Variants in SHISA9 observed in about 807,000 individuals in gnomAD.
SHISA9 encodes protein shisa-9.
In SHISA9, 13 loss-of-function variants were observed where a neutral mutation model predicts 38.0. The ratio of observed to expected loss-of-function variants is 0.34; its 90% CI spans 0.22 to 0.54. The LOEUF (loss-of-function observed/expected upper bound fraction) is 0.54, where lower values mean the gene tolerates loss of function less well. SHISA9 is among the 20% of genes least tolerant of loss of function. The probability of loss-of-function intolerance (pLI) is 0.91; values close to 1 mark genes in which losing one functional copy is unlikely to be tolerated. For missense variants in SHISA9, 538 were observed against 575.8 expected, an observed-to-expected ratio of 0.93 and a Z score of 0.67; for synonymous variants, 275 against 242.0, an observed-to-expected ratio of 1.14 and a Z score of -1.27.
At chr16:13,424,254 C>T in the SHISA9 span, among the ~76,000 whole-genome samples, 3 of 152,230 alleles carry the variant, frequency 2.0e-5, no homozygotes, top group Admixed American at 6.5e-5. Flanking sequence ...TACAGTGCTC[C>T]GCATTGAGCT....
chr16:13,195,127 C>G (rs894963602), intron 2 of SHISA9, among the ~76,000 whole-genome samples: 1 of 152,168 alleles, frequency 6.6e-6, no homozygotes, highest in African/African-American at 2.4e-5. Context: ...AACCAGCACA[C>G]CTGGCACCTA....
intron 2 of SHISA9, among the ~76,000 whole-genome samples, chr16:13,021,880 C>G (rs2072859325): frequency 6.6e-6 from 1 of 152,260 alleles, no homozygotes; most frequent in South Asian, 2.1e-4. Flanking sequence ...TAGTAGTGTC[C>G]TAGGGCTGCC....
chr16:13,176,750 A>T (rs2050734920), intron 2 of SHISA9, among the ~76,000 whole-genome samples: 1 of 151,898 alleles, frequency 6.6e-6, no homozygotes, highest in South Asian at 2.1e-4. Flanking sequence ...TTATTGTTAT[A>T]TTATAACCTC....
chr16:12,951,947 C>T lies in SHISA9; in HGVS notation c.691+35132C>T, dbSNP rs544492928. 5.3e-5 allele frequency among the ~76,000 whole-genome samples: 8 copies of T among 152,308 alleles called. No individual in the cohort carries two copies. The South Asian group carries it at 1.0e-3, about 20-fold the overall frequency. On this transcript the variant is annotated intron_variant, in intron 2 of 4. Transcript: ENST00000558583. ...TCTTCTTACAATTGGAGGAAAGGAA[C>T]ATATGCATGTCAATATGGCATTTGA... is the stretch of plus-strand genomic sequence containing the variant.
intron 2 of SHISA9, among the ~76,000 whole-genome samples, chr16:13,072,138 G>GGACC (rs1365753525): frequency 6.6e-6 from 1 of 152,224 alleles, no homozygotes; most frequent in Non-Finnish European, 1.5e-5. Context: ...GTCTCCTAGT[G>GGACC]GACCGTTGGC....
At chr16:13,455,350 A>G in the SHISA9 span, among the ~76,000 whole-genome samples, 1 of 152,164 alleles carries the variant, frequency 6.6e-6, no homozygotes, top group Non-Finnish European at 1.5e-5. Flanking sequence ...ACAGAAAGCA[A>G]AGTCAAAGTC....
intron 1 of SHISA9, chr16:12,911,166 T>C: frequency 1.3e-6 from 1 of 759,952 alleles, no homozygotes; most frequent in Non-Finnish European, 1.6e-6. Flanking sequence ...TTTTATCTTC[T>C]GGGAGCTTGG....
chr16:12,990,250 G>A (rs2072367426), intron 2 of SHISA9, among the ~76,000 whole-genome samples: 1 of 152,116 alleles, frequency 6.6e-6, no homozygotes, highest in Non-Finnish European at 1.5e-5. Flanking sequence ...ACATACATGT[G>A]CATCTATCTT....
intron 4 of SHISA9, among the ~76,000 whole-genome samples, chr16:13,227,502 G>A (rs1390727493): frequency 2.6e-5 from 4 of 152,304 alleles, no homozygotes; most frequent in South Asian, 4.1e-4. Flanking sequence ...GGAAAAGGCT[G>A]AAGAACAGAT....
the SHISA9 span, among the ~76,000 whole-genome samples, chr16:13,343,038 A>G: frequency 6.6e-6 from 1 of 152,252 alleles, no homozygotes; most frequent in Non-Finnish European, 1.5e-5. Context: ...AATGATTAAC[A>G]TATTACCTAG....
the SHISA9 span, among the ~76,000 whole-genome samples, chr16:13,422,848 G>A: frequency 1.3e-5 from 2 of 152,102 alleles, no homozygotes; most frequent in African/African-American, 4.8e-5. Context: ...CCCCAACTTT[G>A]TGTCTCCATT....
chr16:13,533,425 G>A, the SHISA9 span, among the ~76,000 whole-genome samples: 2 of 152,140 alleles, frequency 1.3e-5, no homozygotes, highest in African/African-American at 4.8e-5. Context: ...GAAAAGTTCT[G>A]CTGTTTTCCC....
At chr16:12,908,034 G>A (rs2071126302) in intron 1 of SHISA9, among the ~76,000 whole-genome samples, 1 of 152,304 alleles carries the variant, frequency 6.6e-6, no homozygotes, top group South Asian at 2.1e-4. Context: ...GTGACCTTGG[G>A]AAGGTTGCTT....
intron 2 of SHISA9, among the ~76,000 whole-genome samples, chr16:13,040,879 T>G (rs1596605555): frequency 6.6e-6 from 1 of 152,164 alleles, no homozygotes; most frequent in African/African-American, 2.4e-5. Context: ...TTTGCAAGCC[T>G]TTTTCTAGGA....
At chr16:13,436,301 C>G in the SHISA9 span, among the ~76,000 whole-genome samples, 1 of 152,248 alleles carries the variant, frequency 6.6e-6, no homozygotes, top group Non-Finnish European at 1.5e-5. Context: ...AAAGTGGCCT[C>G]TGGCCATTCT....
the SHISA9 span, among the ~76,000 whole-genome samples, chr16:13,356,408 T>A: frequency 6.6e-6 from 1 of 152,128 alleles, no homozygotes; most frequent in Non-Finnish European, 1.5e-5. Context: ...GCTTCTGATT[T>A]GGGATAAAGA....
chr16:13,515,252 T>C, the SHISA9 span, among the ~76,000 whole-genome samples: 6 of 152,124 alleles, frequency 3.9e-5, no homozygotes, highest in Middle Eastern at 6.8e-3. Context: ...ATACAAAATC[T>C]AAATAATTCA....
chr16:13,251,449 T>C, the SHISA9 span, among the ~76,000 whole-genome samples: 10 of 152,162 alleles, frequency 6.6e-5, no homozygotes, highest in Non-Finnish European at 1.5e-4. Flanking sequence ...CCTCAGCATG[T>C]GCAAACCTGG....
At chr16:13,162,654 G>A (rs955400459) in intron 2 of SHISA9, among the ~76,000 whole-genome samples, 5 of 152,180 alleles carry the variant, frequency 3.3e-5, no homozygotes, top group Admixed American at 1.3e-4. Context: ...GTTACACACA[G>A]GACTTTATTA....
Sources: allele counts gnomAD v4.1 joint callset (sites outside exome capture counted in the v4.1 genomes callset), GRCh38; gene constraint gnomAD v4.1.1; transcripts MANE v1.5; gene names NCBI Gene and HGNC (gene_info 2026-07-23, HGNC 2026-07-21).